Variants in IFT140 observed in about 807,000 individuals in gnomAD.
IFT140 encodes intraflagellar transport 140, also known as intraflagellar transport protein 140 homolog.
IFT140 carries 133 observed loss-of-function variants against 164.6 expected under a neutral mutation model. The observed-to-expected ratio is 0.81, with a 90% CI of 0.70 to 0.93. IFT140 has a LOEUF of 0.93. IFT140 is among the 40% of genes least tolerant of loss of function. The probability of loss-of-function intolerance (pLI) is 0.00; values close to 1 mark genes in which losing one functional copy is unlikely to be tolerated. For missense variants in IFT140, 2,045 were observed against 1,972.3 expected (o/e 1.04, Z -0.70); for synonymous variants, 860 against 817.3 (o/e 1.05, Z -0.89).
At chr16:1,567,453 C>A (rs1460717377) in intron 15 of IFT140, among the ~76,000 whole-genome samples, 1 of 152,192 alleles carries the variant, frequency 6.6e-6, no homozygotes, top group African/African-American at 2.4e-5. Context: ...TCGCCCCAAC[C>A]TTGGCTGGGC....
At chr16:1,542,901 AGGGT>A (rs1644442560) in intron 19 of IFT140, among the ~76,000 whole-genome samples, 1 of 152,220 alleles carries the variant, frequency 6.6e-6, no homozygotes, top group Non-Finnish European at 1.5e-5. Context: ...GGCGTCATAG[AGGGT>A]GACAGTGATG....
rs1480225517 is a variant in IFT140 at position 1,520,007 on chromosome 16, C to CCGTG, written c.3910_3913dup (p.Gly1305AlafsTer58). The CCGTG allele has an allele frequency of 6.2e-7, 1 of 1,603,194 alleles. No homozygotes were observed. Among genetic ancestry groups the CCGTG allele is most frequent in the Non-Finnish European group, 8.5e-7 (1 of 1,175,164 alleles). On this transcript the variant is annotated frameshift_variant, in exon 29 of 31. Transcript: ENST00000426508. LOFTEE classifies it high-confidence loss of function. ...GCACTTGTAGGCCTCGGTCAGCGCCCCGTGGGCTTTGTCGTAGTTCTGGTA... is the reference window on the plus strand; with the variant it reads ...GCACTTGTAGGCCTCGGTCAGCGCCCCGTGCGTGGGCTTTGTCGTAGTTCTGGTA...
chr16:1,524,781 T>G lies in IFT140; in HGVS notation c.2997+3A>C. On this transcript the variant is annotated splice_donor_region_variant and intron_variant, in intron 23 of 30. Coordinates refer to ENST00000426508, the MANE Select transcript of IFT140 (RefSeq NM_014714.4). ...CTGGCCGGCTCCCCTGCGGGGACCT[T>G]ACCTTCTGGACATTGCCCTGGAAGC... 1 of 1,603,682 alleles carries G rather than the reference T, an allele frequency of 6.2e-7. No individual in the cohort carries two copies. Among genetic ancestry groups the G allele is most frequent in the Non-Finnish European group, 8.5e-7 (1 of 1,171,678 alleles).
At chr16:1,581,348 C>T (rs1477971102) in intron 12 of IFT140, among the ~76,000 whole-genome samples, 1 of 152,062 alleles carries the variant, frequency 6.6e-6, no homozygotes, top group Non-Finnish European at 1.5e-5. Context: ...ACCTGTAATC[C>T]CAGCATTTAG....
At chr16:1,596,668 G>A (rs2035480693) in intron 4 of IFT140, among the ~76,000 whole-genome samples, 1 of 152,202 alleles carries the variant, frequency 6.6e-6, no homozygotes, top group Admixed American at 6.5e-5. Flanking sequence ...AGGACGCAAT[G>A]AGTCAAATAT....
chr16:1,605,469 G>C (rs894946122), intron 3 of IFT140, among the ~76,000 whole-genome samples: 13 of 152,268 alleles, frequency 8.5e-5, no homozygotes, highest in African/African-American at 3.1e-4. Flanking sequence ...GCAGTGGCGT[G>C]ATCTCGGCTC....
At chr16:1,563,962 T>C in intron 17 of IFT140, 35 bp downstream of exon 17, 4 of 1,514,428 alleles carry the variant, frequency 2.6e-6, no homozygotes, top group Non-Finnish European at 3.6e-6. Context: ...GGCCACTGAG[T>C]GTGTCTAAAC....
intron 3 of IFT140, among the ~76,000 whole-genome samples, chr16:1,603,526 G>A (rs2035899110): frequency 6.6e-6 from 1 of 151,866 alleles, no homozygotes; most frequent in African/African-American, 2.4e-5. Flanking sequence ...CTGTAGCCCA[G>A]GCTGGAGTGC....
At chr16:1,595,154 G>A (rs963515758) in intron 4 of IFT140, among the ~76,000 whole-genome samples, 2 of 152,136 alleles carry the variant, frequency 1.3e-5, no homozygotes, top group African/African-American at 2.4e-5. Context: ...GCGTGGCGGC[G>A]GGCGCCTGTA....
intron 18 of IFT140, among the ~76,000 whole-genome samples, chr16:1,558,366 C>T (rs914675280): frequency 2.6e-5 from 4 of 152,178 alleles, no homozygotes; most frequent in African/African-American, 9.7e-5. Flanking sequence ...AAAGGCTGCC[C>T]GTGCAGGAAT....
At chr16:1,567,827 G>A (rs2033802100) in intron 15 of IFT140, among the ~76,000 whole-genome samples, 1 of 152,224 alleles carries the variant, frequency 6.6e-6, no homozygotes. Flanking sequence ...CTCTCTGAGT[G>A]GGACGCCTGA....
chr16:1,596,565 C>G (rs1370701896), intron 4 of IFT140, among the ~76,000 whole-genome samples: 1 of 152,150 alleles, frequency 6.6e-6, no homozygotes, highest in South Asian at 2.1e-4. Flanking sequence ...GATCTCTGCT[C>G]AGGAGGATGA....
At chr16:1,561,407 C>A (rs1186244866) in intron 18 of IFT140, among the ~76,000 whole-genome samples, 1 of 152,222 alleles carries the variant, frequency 6.6e-6, no homozygotes, top group African/African-American at 2.4e-5. Context: ...CGATCCCATT[C>A]TCTCAGTAAT....
intron 13 of IFT140, among the ~76,000 whole-genome samples, chr16:1,575,673 C>G (rs1443893358): frequency 6.6e-6 from 1 of 152,188 alleles, no homozygotes; most frequent in African/African-American, 2.4e-5. Context: ...CTGTTATTTC[C>G]CATCATGCCA....
At chr16:1,537,722 G>A (rs1159307073) in intron 19 of IFT140, among the ~76,000 whole-genome samples, 2 of 152,166 alleles carry the variant, frequency 1.3e-5, no homozygotes, top group South Asian at 2.1e-4. Flanking sequence ...TCTGTATTTC[G>A]TGCGTTCTGT....
In IFT140 at chr16:1,551,815, C is replaced by T. The variant is rs80150449; in HGVS notation, c.2399+6120G>A. Among the ~76,000 whole-genome samples the T allele has an allele frequency of 0.082, 12,552 of 152,202 alleles. 627 individuals carry two copies. The highest frequency in any genetic ancestry group is 0.13 in the African/African-American group (5,396 of 41,512). Reference sequence around the variant, plus strand: ...GATCAACTCTGCGGGACCTCCCACCCGGGCTGGTTGCCCTGTGTTGCCTTA... The same window carrying T: ...GATCAACTCTGCGGGACCTCCCACCTGGGCTGGTTGCCCTGTGTTGCCTTA... On this transcript the variant is annotated intron_variant, in intron 19 of 30. Transcript: ENST00000426508. The surrounding 1 kb of genome is among the most constrained non-coding windows in gnomAD (Gnocchi z 4.0).
intron 19 of IFT140, among the ~76,000 whole-genome samples, chr16:1,535,808 C>T (rs941641920): frequency 2.6e-5 from 4 of 152,268 alleles, no homozygotes; most frequent in Non-Finnish European, 2.9e-5. Flanking sequence ...CCTTCACCAG[C>T]AGGGACCAAC....
In IFT140 at chr16:1,551,097, A is replaced by T. The variant is rs1270864527; in HGVS notation, c.2399+6838T>A. Among the ~76,000 whole-genome samples, 1 of 152,186 alleles carries T rather than the reference A, an allele frequency of 6.6e-6. No individual in the cohort carries two copies. The highest frequency in any genetic ancestry group is 1.5e-5 in the Non-Finnish European group (1 of 68,024). ...CTCCTCGCCTTTCCCGCAGCTCCAC[A>T]CTGCATTCTGTTCTGTTTCACGTCT... is the stretch of plus-strand genomic sequence containing the variant. On this transcript the variant is annotated intron_variant, in intron 19 of 30. Coordinates refer to ENST00000426508, the MANE Select transcript of IFT140 (RefSeq NM_014714.4). This position sits in a 1 kb window ranked among gnomAD's most constrained non-coding sequence, Gnocchi z 4.0.
In IFT140 at chr16:1,577,223, A is replaced by G. The variant is rs1311954548; in HGVS notation, c.1524+3536T>C. ...AGTAGATTCAGGTCTGCAGATGTGG[A>G]CGCCACCTGTGGATGCCACCATTTC... On this transcript the variant is annotated intron_variant, in intron 13 of 30. Transcript: ENST00000426508. 3.3e-5 allele frequency: 5 copies of G among 152,132 alleles called. No homozygotes were observed. In the East Asian group the frequency reaches 7.7e-4, roughly 23 times the overall value. The allele number at this position is 152,132 out of a possible 1,614,324, so 9.4% of individuals were successfully genotyped here. A position where few individuals can be genotyped will look rare whatever the true frequency, so the allele number is the denominator to read the frequency against.
Sources: allele counts gnomAD v4.1 joint callset (sites outside exome capture counted in the v4.1 genomes callset), GRCh38; gene constraint gnomAD v4.1.1; non-coding constraint Gnocchi (gnomAD v3.1); transcripts MANE v1.5; gene names NCBI Gene and HGNC (gene_info 2026-07-23, HGNC 2026-07-21).